TFB1M: variants seen among roughly 807,000 people sequenced by gnomAD.
TFB1M encodes dimethyladenosine transferase 1, mitochondrial.
A neutral mutation model predicts 31.1 loss-of-function variants in TFB1M; 27 were observed. That is an observed-to-expected ratio of 0.87 (90% CI 0.64 to 1.20). TFB1M has a LOEUF of 1.20. TFB1M is among the 50% of genes most tolerant of loss of function. The probability of loss-of-function intolerance (pLI) is 0.00; values close to 1 mark genes in which losing one functional copy is unlikely to be tolerated. For missense variants in TFB1M, 394 were observed against 418.7 expected (o/e 0.94, Z 0.51); for synonymous variants, 166 against 151.8 (o/e 1.09, Z -0.69).
intron 5 of TFB1M, among the ~76,000 whole-genome samples, chr6:155,269,618 G>A (rs190573707): frequency 5.5e-4 from 84 of 152,124 alleles, no homozygotes; most frequent in African/African-American, 1.7e-3. Context: ...CACCACGCCC[G>A]GCCAGTTTTC....
At chr6:155,238,609 T>C in the TFB1M span, among the ~76,000 whole-genome samples, 1 of 152,222 alleles carries the variant, frequency 6.6e-6, no homozygotes, top group Non-Finnish European at 1.5e-5. Flanking sequence ...CTTTGGCACA[T>C]TCTCTGGTTC....
intron 4 of TFB1M, among the ~76,000 whole-genome samples, chr6:155,285,675 C>A (rs900833375): frequency 6.6e-6 from 1 of 152,070 alleles, no homozygotes; most frequent in Admixed American, 6.6e-5. Context: ...CTGAATCACC[C>A]CAATATATGA....
At chr6:155,286,517 ATATATATG>A (rs1776644152) in intron 4 of TFB1M, among the ~76,000 whole-genome samples, 6 of 142,520 alleles carry the variant, frequency 4.2e-5, no homozygotes, top group Admixed American at 6.9e-5. Context: ...ATATGTGTGT[ATATATATG>A]TATATATATA....
At chr6:155,230,939 T>G in the TFB1M span, among the ~76,000 whole-genome samples, 1 of 151,836 alleles carries the variant, frequency 6.6e-6, no homozygotes, top group Non-Finnish European at 1.5e-5. Flanking sequence ...GTTCAAGCAG[T>G]CCTCCCAACT....
chr6:155,312,645 T>C (rs1778062773), intron 1 of TFB1M, among the ~76,000 whole-genome samples: 1 of 152,156 alleles, frequency 6.6e-6, no homozygotes, highest in East Asian at 1.9e-4. Context: ...TGGATTTCAA[T>C]CTTGCTCTCT....
At chr6:155,313,945 C>T (rs1778129279) in intron 1 of TFB1M, among the ~76,000 whole-genome samples, 2 of 152,234 alleles carry the variant, frequency 1.3e-5, no homozygotes, top group Non-Finnish European at 2.9e-5. Flanking sequence ...CTGCAGTCAG[C>T]ATGTGCTGTA....
rs982251299 is a variant in TFB1M at position 155,256,988 on chromosome 6, C to G, written c.*848G>C. 1 of 1,614,050 alleles carries G rather than the reference C, an allele frequency of 6.2e-7. No individual in the cohort carries two copies. The highest frequency in any genetic ancestry group is 8.5e-7 in the Non-Finnish European group (1 of 1,180,046). ...CTCAAGGCGCAGATCCGTCACCAGT[C>G]CCTTGACAGTCAGTCTGAAAATGCC... On this transcript the variant is annotated 3_prime_UTR_variant, in exon 7 of 7. Coordinates refer to ENST00000367166, the MANE Select transcript of TFB1M (RefSeq NM_016020.4).
At chr6:155,278,321 A>G (rs1440535652) in intron 5 of TFB1M, among the ~76,000 whole-genome samples, 1 of 152,266 alleles carries the variant, frequency 6.6e-6, no homozygotes, top group Non-Finnish European at 1.5e-5. Flanking sequence ...ACAAACTATG[A>G]ATTTAATAAA....
In TFB1M at chr6:155,257,929, T is replaced by C. The variant is rs760422697; in HGVS notation, c.948A>G (p.Gln316=). The C allele has an allele frequency of 5.8e-5, 93 of 1,613,966 alleles. No individual in the cohort carries two copies. The highest frequency in any genetic ancestry group is 1.1e-4 in the East Asian group (5 of 44,884). Residue 316 remains glutamine (Q), a synonymous_variant, in exon 7 of 7, where the codon CAA becomes CAG. Coordinates refer to ENST00000367166, the MANE Select transcript of TFB1M (RefSeq NM_016020.4). ...VYRKMCDEDP[Q]LFAYNFREEL... is the part of the protein sequence containing the mutation. ...CTTCTCTGAAATTATATGCAAAGAG[T>C]TGTGGGTCTTCATCACACATTTTTC...
downstream of TFB1M, chr6:155,254,405 C>T (rs536446786): frequency 3.1e-5 from 48 of 1,559,744 alleles, no homozygotes; most frequent in Non-Finnish European, 3.9e-5. Flanking sequence ...TGTTTTCTCT[C>T]CCCCCCCACC....
At chr6:155,291,729 T>C (rs111486527) in intron 4 of TFB1M, among the ~76,000 whole-genome samples, 1 of 152,180 alleles carries the variant, frequency 6.6e-6, no homozygotes, top group East Asian at 1.9e-4. Flanking sequence ...GCCCCCTCCC[T>C]GGTGTGACAA....
chr6:155,254,404 T>A, downstream of TFB1M: 1 of 1,603,760 alleles, frequency 6.2e-7, no homozygotes, highest in East Asian at 2.2e-5. Flanking sequence ...CTGTTTTCTC[T>A]CCCCCCCCAC....
At chr6:155,301,861 T>C (rs1247181560) in intron 2 of TFB1M, among the ~76,000 whole-genome samples, 2 of 152,188 alleles carry the variant, frequency 1.3e-5, no homozygotes, top group African/African-American at 4.8e-5. Context: ...TTTTCAATAG[T>C]AGTTGTACCA....
downstream of TFB1M, chr6:155,254,135 G>A: frequency 6.8e-7 from 1 of 1,469,414 alleles, no homozygotes; most frequent in Non-Finnish European, 9.3e-7. Context: ...TTTATATTTA[G>A]TGCCCTCCTG....
chr6:155,303,901 CTTAA>C (rs1777546482), intron 2 of TFB1M, among the ~76,000 whole-genome samples: 1 of 152,138 alleles, frequency 6.6e-6, no homozygotes, highest in Non-Finnish European at 1.5e-5. Context: ...TAACAGCAAG[CTTAA>C]GGTCACAAAG....
chr6:155,230,522 C>G, the TFB1M span, among the ~76,000 whole-genome samples: 1 of 108,852 alleles, frequency 9.2e-6, no homozygotes, highest in Non-Finnish European at 1.8e-5. Context: ...GCTTGTCTTC[C>G]CAGCCAGACT....
At chr6:155,270,623 A>G (rs576827556) in intron 5 of TFB1M, among the ~76,000 whole-genome samples, 67 of 152,300 alleles carry the variant, frequency 4.4e-4, no homozygotes, top group African/African-American at 1.4e-3. Flanking sequence ...ATGTACATTA[A>G]ATGTACATTA....
At chr6:155,297,233 A>ATT in intron 3 of TFB1M, 129 bp from the exon 4 acceptor site, 1 of 952,148 alleles carries the variant, frequency 1.1e-6, no homozygotes, top group Non-Finnish European at 1.5e-6. Context: ...ACATGGCTAA[A>ATT]TTTTTTTTTT....
At chr6:155,232,707 G>A in the TFB1M span, 1 of 121,660 alleles carries the variant, frequency 8.2e-6, no homozygotes, top group Non-Finnish European at 1.9e-5. Context: ...TCGGCATGCG[G>A]AGGGAGAGGG....
Sources: allele counts gnomAD v4.1 joint callset (sites outside exome capture counted in the v4.1 genomes callset), GRCh38; gene constraint gnomAD v4.1.1; transcripts MANE v1.5; gene names NCBI Gene and HGNC (gene_info 2026-07-23, HGNC 2026-07-21).